The following FBXO4 variants were observed in gnomAD, a reference collection of about 807,000 sequenced individuals.
The protein encoded by FBXO4 is F-box only protein 4.
A neutral mutation model predicts 43.7 loss-of-function variants in FBXO4; 36 were observed. That is an observed-to-expected ratio of 0.82 (90% CI 0.63 to 1.09). The LOEUF is 1.09. Among genes scored for constraint, FBXO4 ranks in the 50% least tolerant of loss-of-function variants. The probability of loss-of-function intolerance (pLI) is 0.00; values close to 1 mark genes in which losing one functional copy is unlikely to be tolerated. For missense variants in FBXO4, 435 were observed against 474.1 expected, an observed-to-expected ratio of 0.92 and a Z score of 0.77; for synonymous variants, 180 against 165.6, an observed-to-expected ratio of 1.09 and a Z score of -0.67.
At chr5:41,979,193 T>C in the FBXO4 span, among the ~76,000 whole-genome samples, 2 of 152,238 alleles carry the variant, frequency 1.3e-5, no homozygotes, top group Non-Finnish European at 2.9e-5. Flanking sequence ...TGCATAATAC[T>C]GTTGCCATCC....
chr5:41,940,504 C>T (rs1751978628), intron 6 of FBXO4, among the ~76,000 whole-genome samples: 2 of 151,682 alleles, frequency 1.3e-5, no homozygotes, highest in Admixed American at 6.6e-5. Flanking sequence ...TCAAGTGATC[C>T]ACCCGCCATG....
the FBXO4 span, among the ~76,000 whole-genome samples, chr5:41,963,543 A>G: frequency 6.6e-6 from 1 of 152,228 alleles, no homozygotes; most frequent in Admixed American, 6.5e-5. Context: ...GATAATGTAA[A>G]CAGTCAATTA....
chr5:41,930,856 C>T (rs374337242), intron 3 of FBXO4, among the ~76,000 whole-genome samples: 67 of 152,226 alleles, frequency 4.4e-4, no homozygotes, highest in African/African-American at 1.4e-3. Context: ...CGGGGTTTCA[C>T]TGTGTTAGCC....
At chr5:41,959,117 T>C in the FBXO4 span, among the ~76,000 whole-genome samples, 2 of 152,210 alleles carry the variant, frequency 1.3e-5, no homozygotes, top group Non-Finnish European at 2.9e-5. Flanking sequence ...TCTCTCACTG[T>C]AGTTCTATTT....
At chr5:41,942,251 A>C (rs946440588), downstream of FBXO4, among the ~76,000 whole-genome samples, 3 of 152,090 alleles carry the variant, frequency 2.0e-5, no homozygotes, top group African/African-American at 7.2e-5. Context: ...CCTTCGAGAA[A>C]GACCTATGAA....
the FBXO4 span, among the ~76,000 whole-genome samples, chr5:41,990,063 A>C: frequency 6.6e-6 from 1 of 152,190 alleles, no homozygotes; most frequent in Non-Finnish European, 1.5e-5. Flanking sequence ...TTCGTACAAT[A>C]ATACCATCAT....
At position 41,929,759 on chromosome 5, in the gene FBXO4, C is replaced by T. The variant is rs1226839963; in HGVS notation, c.488C>T (p.Ala163Val). Residue 163 changes from alanine (A) to valine (V), a missense_variant, in exon 3 of 7, where the codon GCT becomes GTT. By Grantham distance (64) the Ala-to-Val change is moderately conservative. Coordinates refer to ENST00000281623, the MANE Select transcript of FBXO4 (RefSeq NM_012176.3). ...AAATCCAGCCGTCCTATGTATGGAG[C>T]TGTCACTTCTTTTTTACACTCCCTG... is the stretch of plus-strand genomic sequence containing the variant. ...ASKSSRPMYG[A>V]VTSFLHSLII... 1.2e-5 allele frequency: 20 copies of T among 1,613,990 alleles called. No individual in the cohort carries two copies. In the Admixed American group the frequency reaches 3.3e-4, roughly 27 times the overall value.
rs1751505223 is a variant in FBXO4 at position 41,926,514 on chromosome 5, A to C, written c.190-499A>C. ...CGTGAACCTGGGAGACGGAGCTTGC[A>C]GTGAGCCGAGATCTTGCCACTGCAC... On this transcript the variant is annotated intron_variant, in intron 1 of 6. Transcript: ENST00000281623. 2.0e-5 allele frequency among the ~76,000 whole-genome samples: 3 copies of C among 152,304 alleles called. No homozygotes were observed. The South Asian group carries it at 6.2e-4, about 32-fold the overall frequency.
At chr5:42,024,427 G>A in the FBXO4 span, among the ~76,000 whole-genome samples, 1 of 151,250 alleles carries the variant, frequency 6.6e-6, no homozygotes, top group South Asian at 2.1e-4. Flanking sequence ...TAATTTTTGT[G>A]GGTACCTAAT....
chr5:42,029,178 T>C, the FBXO4 span, among the ~76,000 whole-genome samples: 5 of 152,008 alleles, frequency 3.3e-5, no homozygotes, highest in Non-Finnish European at 7.4e-5. Context: ...AGTCTTTATT[T>C]CTCCTTCACA....
At chr5:42,034,441 G>T in the FBXO4 span, among the ~76,000 whole-genome samples, 1 of 152,092 alleles carries the variant, frequency 6.6e-6, no homozygotes, top group East Asian at 1.9e-4. Context: ...CTTTGTCCAT[G>T]CCTGTGTCCT....
At chr5:42,024,961 C>T in the FBXO4 span, among the ~76,000 whole-genome samples, 1 of 152,016 alleles carries the variant, frequency 6.6e-6, no homozygotes, top group African/African-American at 2.4e-5. Context: ...CTGATGGACA[C>T]TTATGTTGCT....
chr5:42,009,364 A>AGTGTGT, the FBXO4 span, among the ~76,000 whole-genome samples: 2 of 128,094 alleles, frequency 1.6e-5, no homozygotes, highest in African/African-American at 6.1e-5. Flanking sequence ...TGGGAATTGG[A>AGTGTGT]GTGTGTGTGT....
intron 5 of FBXO4, among the ~76,000 whole-genome samples, chr5:41,938,913 A>G (rs1236024126): frequency 6.6e-6 from 1 of 151,370 alleles, no homozygotes; most frequent in Non-Finnish European, 1.5e-5. Flanking sequence ...TTCAACAAGA[A>G]GAGCCGCTTT....
rs1199444242 is a variant in FBXO4, at chr5:41,925,294, A to G, written c.-16A>G. Reference sequence around the variant, plus strand: ...AGCGTGGCTCTAAGACGCGTCACCCACGCTGCGGGCAAGCCATGGCGGGAA... The same window carrying G: ...AGCGTGGCTCTAAGACGCGTCACCCGCGCTGCGGGCAAGCCATGGCGGGAA... On this transcript the variant is annotated 5_prime_UTR_variant, in exon 1 of 7. Coordinates refer to ENST00000281623, the MANE Select transcript of FBXO4 (RefSeq NM_012176.3). 4.5e-6 allele frequency: 6 copies of G among 1,325,180 alleles called. No individual in the cohort carries two copies. Among genetic ancestry groups the G allele is most frequent in the Middle Eastern group, 2.4e-4 (1 of 4,162 alleles). 82.1% of individuals were successfully genotyped at this position (1,325,180 alleles called of 1,614,324 possible). A position where few individuals can be genotyped will look rare whatever the true frequency, so the allele number is the denominator to read the frequency against.
the FBXO4 span, among the ~76,000 whole-genome samples, chr5:42,018,652 T>C: frequency 2.0e-5 from 3 of 152,324 alleles, no homozygotes; most frequent in African/African-American, 7.2e-5. Flanking sequence ...CTCAAATATT[T>C]ACAATAATCT....
chr5:41,980,884 C>A, the FBXO4 span, among the ~76,000 whole-genome samples: 1 of 151,624 alleles, frequency 6.6e-6, no homozygotes, highest in East Asian at 1.9e-4. Context: ...TAAAACTGAA[C>A]AATCAACTGT....
chr5:41,948,424 C>T, the FBXO4 span, among the ~76,000 whole-genome samples: 9 of 152,104 alleles, frequency 5.9e-5, no homozygotes, highest in South Asian at 2.1e-4. Context: ...TGTGACCCAC[C>T]GCGCCTGGCC....
chr5:42,002,694 A>G, the FBXO4 span, among the ~76,000 whole-genome samples: 7 of 152,122 alleles, frequency 4.6e-5, no homozygotes, highest in Non-Finnish European at 1.0e-4. Context: ...ATCTGTCTCT[A>G]TATCTATCTA....
Sources: gnomAD v4.1 joint callset for allele counts (sites outside exome capture counted in the v4.1 genomes callset) on GRCh38, gnomAD v4.1.1 for gene constraint, MANE v1.5 for transcripts, NCBI Gene and HGNC (gene_info 2026-07-23, HGNC 2026-07-21) for gene names.